Variants in XKR6 observed in about 807,000 individuals in gnomAD.
XKR6 encodes the protein XK related 6.
In XKR6, 22 loss-of-function variants were observed where a neutral mutation model predicts 56.7. That is an observed-to-expected ratio of 0.39 (90% CI 0.28 to 0.55). The LOEUF (loss-of-function observed/expected upper bound fraction) is 0.55. XKR6 is among the 20% of genes least tolerant of loss of function. The pLI is 0.66. For missense variants in XKR6, 852 were observed against 889.0 expected, an observed-to-expected ratio of 0.96 and a Z score of 0.53; for synonymous variants, 524 against 387.8, an observed-to-expected ratio of 1.35 and a Z score of -4.13.
chr8:10,955,601 G>A (rs1202451464), intron 1 of XKR6, among the ~76,000 whole-genome samples: 1 of 152,192 alleles, frequency 6.6e-6, no homozygotes, highest in Non-Finnish European at 1.5e-5. Flanking sequence ...TACAGATGAA[G>A]AAACTGAGGC....
At chr8:11,147,439 G>A (rs933330768) in intron 1 of XKR6, among the ~76,000 whole-genome samples, 9 of 152,014 alleles carry the variant, frequency 5.9e-5, no homozygotes, top group Non-Finnish European at 1.0e-4. Context: ...GCTGAGGCAG[G>A]CAGATCAAGA....
At chr8:11,056,646 G>A (rs965449754) in intron 1 of XKR6, among the ~76,000 whole-genome samples, 6 of 152,212 alleles carry the variant, frequency 3.9e-5, no homozygotes, top group Admixed American at 1.3e-4. Context: ...GAAGCTGAGT[G>A]GTCTACAGAG....
At chr8:11,094,924 G>C (rs1367928131) in intron 1 of XKR6, among the ~76,000 whole-genome samples, 2 of 152,214 alleles carry the variant, frequency 1.3e-5, no homozygotes, top group African/African-American at 4.8e-5. Flanking sequence ...AGAGCAGCTA[G>C]TGGGTGCTGA....
chr8:11,155,351 T>A (rs1018171870), intron 1 of XKR6, among the ~76,000 whole-genome samples: 1 of 152,186 alleles, frequency 6.6e-6, no homozygotes, highest in Non-Finnish European at 1.5e-5. Context: ...AAGGGAAAAA[T>A]TTGTTTTTAA....
intron 1 of XKR6, among the ~76,000 whole-genome samples, chr8:11,061,219 T>G (rs1334699381): frequency 6.6e-6 from 1 of 152,186 alleles, no homozygotes; most frequent in Middle Eastern, 3.2e-3. Flanking sequence ...ATCTTGGCAC[T>G]TTGGGAGGCC....
chr8:11,134,785 G>A (rs1800297713), intron 1 of XKR6, among the ~76,000 whole-genome samples: 1 of 151,940 alleles, frequency 6.6e-6, no homozygotes, highest in South Asian at 2.1e-4. Flanking sequence ...AATGTATTCC[G>A]TGGTGTTATT....
intron 1 of XKR6, among the ~76,000 whole-genome samples, chr8:11,028,938 G>A (rs1001864339): frequency 2.0e-5 from 3 of 152,258 alleles, no homozygotes; most frequent in South Asian, 2.1e-4. Context: ...CCCTGGACTA[G>A]GCTGCTCCCT....
chr8:10,969,602 A>G (rs1390798558), intron 1 of XKR6, among the ~76,000 whole-genome samples: 1 of 152,220 alleles, frequency 6.6e-6, no homozygotes, highest in East Asian at 1.9e-4. Flanking sequence ...CCTAAAACAG[A>G]ATCACGGGCT....
intron 1 of XKR6, among the ~76,000 whole-genome samples, chr8:11,041,078 G>T (rs1563098780): frequency 6.6e-6 from 1 of 152,128 alleles, no homozygotes; most frequent in African/African-American, 2.4e-5. Context: ...AGCATTGGTG[G>T]AAGTGGCTGC....
chr8:11,111,996 C>A (rs527436048), intron 1 of XKR6: 2 of 152,154 alleles, frequency 1.3e-5, no homozygotes, highest in African/African-American at 4.8e-5. Flanking sequence ...TAAGTTAATA[C>A]TTTTTATCGT....
chr8:11,164,271 T>A (rs558806815), intron 1 of XKR6, among the ~76,000 whole-genome samples: 3 of 152,360 alleles, frequency 2.0e-5, no homozygotes, highest in African/African-American at 7.2e-5. Flanking sequence ...TCTGTAATTG[T>A]GTGGCATAGC....
intron 1 of XKR6, among the ~76,000 whole-genome samples, chr8:11,073,540 G>C (rs1800188398): frequency 6.6e-6 from 1 of 152,192 alleles, no homozygotes; most frequent in Non-Finnish European, 1.5e-5. Flanking sequence ...AAACAGCCCA[G>C]ATTTAGTCTT....
chr8:11,093,821 T>C (rs1194562714), intron 1 of XKR6, among the ~76,000 whole-genome samples: 1 of 152,206 alleles, frequency 6.6e-6, no homozygotes, highest in Non-Finnish European at 1.5e-5. Flanking sequence ...TCTCGCTCTG[T>C]CGCACAGGCT....
chr8:11,016,264 T>G (rs922237687), intron 1 of XKR6, among the ~76,000 whole-genome samples: 2 of 152,136 alleles, frequency 1.3e-5, no homozygotes, highest in African/African-American at 4.8e-5. Flanking sequence ...GGCCTCTGCG[T>G]CCCTCTGCCC....
chr8:11,093,046 CTTTCTT>C (rs1339701037), intron 1 of XKR6, among the ~76,000 whole-genome samples: 1 of 151,698 alleles, frequency 6.6e-6, no homozygotes, highest in African/African-American at 2.4e-5. Flanking sequence ...CTTTCTTTCT[CTTTCTT>C]TTTCTTTTCT....
At chr8:11,061,126 G>C (rs1799823061) in intron 1 of XKR6, among the ~76,000 whole-genome samples, 1 of 152,140 alleles carries the variant, frequency 6.6e-6, no homozygotes, top group African/African-American at 2.4e-5. Context: ...TTCCTTGCTG[G>C]GGCTAAAGCA....
chr8:11,129,727 C>T (rs73662701), intron 1 of XKR6, among the ~76,000 whole-genome samples: 3,642 of 152,240 alleles, frequency 0.024, 161 homozygotes, highest in African/African-American at 0.08. Context: ...GCATTTGCAT[C>T]TAATTTTTTA....
chr8:11,164,519 T>C (rs1474953061), intron 1 of XKR6, among the ~76,000 whole-genome samples: 3 of 152,156 alleles, frequency 2.0e-5, no homozygotes, highest in Non-Finnish European at 4.4e-5. Context: ...AAAGTGAAAA[T>C]TCAAGAGGTT....
chr8:10,998,128 C>T lies in XKR6; in HGVS notation c.765-73298G>A, dbSNP rs187676435. Among the ~76,000 whole-genome samples, 474 of 152,134 alleles carry T rather than the reference C, an allele frequency of 3.1e-3. 1 individual carries two copies. Among genetic ancestry groups the T allele is most frequent in the African/African-American group, 0.011 (452 of 41,494 alleles). On this transcript the variant is annotated intron_variant, in intron 1 of 2. Transcript: ENST00000416569. ...GGGTCCAGCACTCACTTCTAAGATT[C>T]GCCAGCTTCCCCCGCCAGAGAGCGT...
Sources: allele counts gnomAD v4.1 joint callset (sites outside exome capture counted in the v4.1 genomes callset), GRCh38; gene constraint gnomAD v4.1.1; transcripts MANE v1.5; gene names NCBI Gene and HGNC (gene_info 2026-07-23, HGNC 2026-07-21).